FCGR3B: variants seen among roughly 807,000 people sequenced by gnomAD.
The protein encoded by FCGR3B is low affinity immunoglobulin gamma Fc region receptor III-B.
FCGR3B carries 20 observed loss-of-function variants against 26.7 expected under a neutral mutation model. That is an observed-to-expected ratio of 0.75 (90% CI 0.53 to 1.09). FCGR3B has a LOEUF of 1.09. FCGR3B is among the 50% of genes least tolerant of loss of function. The pLI is 0.00. For missense variants in FCGR3B, 191 were observed against 279.7 expected, an observed-to-expected ratio of 0.68 and a Z score of 2.26; for synonymous variants, 79 against 107.0, an observed-to-expected ratio of 0.74 and a Z score of 1.62.
intron 4 of FCGR3B, 101 bp from the exon 5 acceptor site, chr1:161,624,740 A>C: frequency 1.9e-6 from 2 of 1,052,408 alleles, no homozygotes; most frequent in Non-Finnish European, 2.8e-6. Context: ...GACAAGTGCC[A>C]ACAGGCAAGT....
At chr1:161,627,155 A>G (rs1430211582) in intron 3 of FCGR3B, among the ~76,000 whole-genome samples, 1 of 150,356 alleles carries the variant, frequency 6.7e-6, no homozygotes, top group Non-Finnish European at 1.5e-5. Flanking sequence ...AATGGCCTGA[A>G]TAATTAAAAA....
rs1679444845 is a variant in FCGR3B, at chr1:161,626,144, C to CTGAGTGT, written c.577_577+1insACACTCA (p.Gly193AspfsTer54). ...GCATTCCAGGGTGGCACATGTCTCA[C>CTGAGTGT]CTTGAGTGATGGTGATGTTCACAGT... On this transcript the variant is annotated frameshift_variant and splice_region_variant. Coordinates refer to ENST00000650385, the MANE Select transcript of FCGR3B (RefSeq NM_001244753.2). LOFTEE classifies it high-confidence loss of function. 1 of 1,608,694 alleles carries CTGAGTGT rather than the reference C, an allele frequency of 6.2e-7. No individual in the cohort carries two copies. Among genetic ancestry groups the CTGAGTGT allele is most frequent in the Non-Finnish European group, 8.5e-7 (1 of 1,177,968 alleles).
upstream of FCGR3B, chr1:161,631,314 C>G (rs767629365): frequency 2.9e-4 from 340 of 1,184,110 alleles, no homozygotes; most frequent in Middle Eastern, 1.0e-3. Context: ...AGCCTGGAGG[C>G]AAGGTGGGTG....
At chr1:161,631,286 C>T, upstream of FCGR3B, 2 of 1,401,314 alleles carry the variant, frequency 1.4e-6, 1 homozygote, top group Non-Finnish European at 1.9e-6. Flanking sequence ...CACCATAGAA[C>T]AGGAATAGGA....
Position 161,626,371 on chromosome 1 carries a change from C to T in FCGR3B, c.351G>A (p.Val117=), listed in dbSNP as rs758796084. Residue 117 remains valine, a synonymous_variant, in exon 4 of 5, where the codon GTG becomes GTA. Coordinates refer to ENST00000650385, the MANE Select transcript of FCGR3B (RefSeq NM_001244753.2). ...GWLLLQAPRW[V]FKEEDPIHLR... ...GGTGAATAGGGTCTTCCTCCTTGAA[C>T]ACCCACCGAGGGGCCTGGAGCAACA... The T allele has an allele frequency of 1.2e-5, 19 of 1,609,114 alleles. 1 individual carries two copies. The highest frequency in any genetic ancestry group is 2.2e-5 in the South Asian group (2 of 90,590).
intron 3 of FCGR3B, among the ~76,000 whole-genome samples, chr1:161,628,488 C>G (rs34612244): frequency 0.6 from 88,536 of 148,286 alleles, 26,698 homozygotes; most frequent in Middle Eastern, 0.66. Flanking sequence ...AACTCCTAGA[C>G]TTGATTTTTC....
intron 3 of FCGR3B, among the ~76,000 whole-genome samples, chr1:161,628,532 T>G (rs1679589009): frequency 6.7e-6 from 1 of 149,076 alleles, no homozygotes; most frequent in South Asian, 2.1e-4. Context: ...CCCATTTTAT[T>G]TGGTTGTAGG....
intron 1 of FCGR3B, 127 bp downstream of exon 1, chr1:161,630,928 C>T: frequency 6.8e-7 from 1 of 1,461,858 alleles, no homozygotes; most frequent in Non-Finnish European, 9.0e-7. Flanking sequence ...GTAGCTCAAT[C>T]CACAGCTATA....
intron 4 of FCGR3B, among the ~76,000 whole-genome samples, chr1:161,625,004 A>G (rs1309774388): frequency 2.9e-5 from 4 of 137,656 alleles, no homozygotes; most frequent in Non-Finnish European, 6.5e-5. Flanking sequence ...AATTTTTTAA[A>G]CTCTTGATTT....
upstream of FCGR3B, chr1:161,631,959 A>C (rs113720459): frequency 6.7e-6 from 1 of 148,420 alleles, no homozygotes; most frequent in East Asian, 2.0e-4. Flanking sequence ...CTGGTCTGTC[A>C]GCCTAGGATC....
In FCGR3B at chr1:161,630,792, G is replaced by A. The variant is rs916578200; in HGVS notation, c.40+263C>T. 163 of 699,958 alleles carry A rather than the reference G, an allele frequency of 2.3e-4. 7 individuals carry two copies. Among genetic ancestry groups the A allele is most frequent in the African/African-American group, 2.3e-3 (121 of 52,644 alleles). 43.4% of individuals were successfully genotyped at this position (699,958 alleles called of 1,614,324 possible). ...GACAGACCCTAGGGACCATCTAGTC[G>A]AAGCTCTTTGGTTCCACATAGTGAT... On this transcript the variant is annotated intron_variant, in intron 1 of 4. Coordinates refer to ENST00000650385, the MANE Select transcript of FCGR3B (RefSeq NM_001244753.2).
intron 1 of FCGR3B, chr1:161,630,734 T>G (rs1279889843): frequency 2.0e-5 from 11 of 550,484 alleles, no homozygotes; most frequent in Non-Finnish European, 3.1e-5. Context: ...TTAAAAACCA[T>G]AGAGGAGAAC....
intron 3 of FCGR3B, among the ~76,000 whole-genome samples, chr1:161,628,191 G>C (rs978257428): frequency 6.7e-5 from 10 of 149,762 alleles, no homozygotes; most frequent in Non-Finnish European, 1.5e-4. Flanking sequence ...GAGAATCGCT[G>C]GAACCAGGGA....
Position 161,626,074 on chromosome 1 carries a change from C to G in FCGR3B, c.577+71G>C, listed in dbSNP as rs962085959. 3.9e-6 allele frequency: 6 copies of G among 1,552,502 alleles called. No homozygotes were observed. The East Asian group carries it at 6.8e-5, about 18-fold the overall frequency. On this transcript the variant is annotated intron_variant, in intron 4 of 4. Transcript: ENST00000650385. ...AAGAATCAGGAATCTCCTCCCAACT[C>G]AACTTCCCAGTGTGAGTGCAGGTTC...
chr1:161,626,935 T>C (rs1375034717), intron 3 of FCGR3B, among the ~76,000 whole-genome samples: 1 of 150,170 alleles, frequency 6.7e-6, no homozygotes, highest in Non-Finnish European at 1.5e-5. Context: ...TAACTCAATG[T>C]AAACATCAGG....
chr1:161,629,932 G>C lies in FCGR3B; in HGVS notation c.165C>G (p.Asp55Glu). ...LKCQGAYSPEDNSTQWFHNEN... is the reference protein window; with the variant it reads ...LKCQGAYSPEENSTQWFHNEN... The stretch of plus-strand genomic sequence containing the variant: ...CATTGTGAAACCACTGTGTGGAATT[G>C]TCCTCAGGGGAGTAGGCTCCCTGGC... Residue 55 changes from aspartate (D) to glutamate (E), a missense_variant, in exon 3 of 5, where the codon GAC becomes GAG. Physicochemically the swap from Asp to Glu is conservative, Grantham distance 45. Coordinates refer to ENST00000650385, the MANE Select transcript of FCGR3B (RefSeq NM_001244753.2). 6.6e-7 allele frequency: 1 copy of C among 1,518,758 alleles called. No individual in the cohort carries two copies. Among genetic ancestry groups the C allele is most frequent in the Non-Finnish European group, 8.8e-7 (1 of 1,141,260 alleles). 94.1% of individuals were successfully genotyped at this position (1,518,758 alleles called of 1,614,324 possible).
rs1307719027 is a variant in FCGR3B at position 161,625,910 on chromosome 1, T to C, written c.577+235A>G. ...GATGTGGCTTCTGCTCCTGCCATCATGCTGCAGAGTGAATGACACCTCCTA... is the reference window on the plus strand; with the variant it reads ...GATGTGGCTTCTGCTCCTGCCATCACGCTGCAGAGTGAATGACACCTCCTA... On this transcript the variant is annotated intron_variant, in intron 4 of 4. Coordinates refer to ENST00000650385, the MANE Select transcript of FCGR3B (RefSeq NM_001244753.2). 2.0e-5 allele frequency among the ~76,000 whole-genome samples: 3 copies of C among 147,880 alleles called. 1 individual carries two copies. Among genetic ancestry groups the C allele is most frequent in the East Asian group, 3.9e-4 (2 of 5,076 alleles).
intron 3 of FCGR3B, among the ~76,000 whole-genome samples, chr1:161,626,983 A>G (rs1032171983): frequency 1.3e-5 from 2 of 149,844 alleles, no homozygotes; most frequent in African/African-American, 5.0e-5. Flanking sequence ...CAGAGTGGCA[A>G]TTCGTGGTTT....
At position 161,630,432 on chromosome 1, in the gene FCGR3B, A is replaced by G. The variant is rs1313753261; in HGVS notation, c.41-44T>C. On this transcript the variant is annotated intron_variant, in intron 1 of 4. Transcript: ENST00000650385. ...AATCAAATATTGAGTAGGGGCAGAG[A>G]TCAGAGTGATTAGAACATAGAGTGA... 4 of 1,582,372 alleles carry G rather than the reference A, an allele frequency of 2.5e-6. 1 individual carries two copies. Among genetic ancestry groups the G allele is most frequent in the Non-Finnish European group, 3.4e-6 (4 of 1,159,512 alleles).
Sources: gnomAD v4.1 joint callset for allele counts (sites outside exome capture counted in the v4.1 genomes callset) on GRCh38, gnomAD v4.1.1 for gene constraint, MANE v1.5 for transcripts, NCBI Gene and HGNC (gene_info 2026-07-23, HGNC 2026-07-21) for gene names.